KCNMA1: variants seen among roughly 807,000 people sequenced by gnomAD.
KCNMA1 encodes potassium calcium-activated channel subfamily M alpha 1.
In KCNMA1, 29 loss-of-function variants were observed where a neutral mutation model predicts 140.0. The ratio of observed to expected loss-of-function variants is 0.21; its 90% CI spans 0.15 to 0.28. The LOEUF (loss-of-function observed/expected upper bound fraction) is 0.28, where lower values mean the gene tolerates loss of function less well. Ranked by LOEUF, KCNMA1 falls within the 10% of genes least tolerant of loss-of-function variation. The pLI is 1.00. For missense variants in KCNMA1, 880 were observed against 1,602.2 expected, an observed-to-expected ratio of 0.55 and a Z score of 7.70; for synonymous variants, 612 against 611.9, an observed-to-expected ratio of 1.00 and a Z score of 0.00.
intron 1 of KCNMA1, among the ~76,000 whole-genome samples, chr10:77,453,894 C>T (rs756499710): frequency 6.6e-6 from 1 of 152,110 alleles, no homozygotes; most frequent in African/African-American, 2.4e-5. Context: ...TTCCCACCAG[C>T]CAGAGTGGAA....
intron 1 of KCNMA1, among the ~76,000 whole-genome samples, chr10:77,602,382 T>C (rs2082935554): frequency 6.6e-6 from 1 of 152,102 alleles, no homozygotes; most frequent in Non-Finnish European, 1.5e-5. Flanking sequence ...AGCAGTTCAG[T>C]AGCGTCTGAG....
intron 1 of KCNMA1, among the ~76,000 whole-genome samples, chr10:77,442,354 C>T (rs2097424743): frequency 6.6e-6 from 1 of 151,976 alleles, no homozygotes; most frequent in African/African-American, 2.4e-5. Flanking sequence ...CACCTAGACC[C>T]CCGCCACCTC....
At chr10:77,431,466 G>C (rs2097149515) in intron 1 of KCNMA1, among the ~76,000 whole-genome samples, 1 of 152,098 alleles carries the variant, frequency 6.6e-6, no homozygotes, top group African/African-American at 2.4e-5. Context: ...ATTCTAAGCA[G>C]AGTGTATGGA....
chr10:77,146,426 C>A (rs1327379127), intron 5 of KCNMA1, among the ~76,000 whole-genome samples: 1 of 152,016 alleles, frequency 6.6e-6, no homozygotes, highest in African/African-American at 2.4e-5. Context: ...AGAAGCTGGG[C>A]GCGGTGGCTC....
At chr10:77,488,584 C>T (rs912952526) in intron 1 of KCNMA1, among the ~76,000 whole-genome samples, 6 of 152,190 alleles carry the variant, frequency 3.9e-5, no homozygotes, top group Non-Finnish European at 7.3e-5. Context: ...GAGCTGCCGG[C>T]TCAGCAGCAG....
chr10:77,194,282 T>A (rs552722116), intron 3 of KCNMA1, among the ~76,000 whole-genome samples: 28 of 152,314 alleles, frequency 1.8e-4, no homozygotes, highest in South Asian at 6.2e-4. Flanking sequence ...TCCCATAGCA[T>A]AACAGACTGT....
intron 1 of KCNMA1, among the ~76,000 whole-genome samples, chr10:77,426,737 C>T (rs1434343157): frequency 1.3e-5 from 2 of 152,182 alleles, no homozygotes; most frequent in Non-Finnish European, 2.9e-5. Flanking sequence ...GACCCACTTG[C>T]CAGGACTTGC....
intron 1 of KCNMA1, among the ~76,000 whole-genome samples, chr10:77,435,168 G>T (rs1207017570): frequency 2.6e-5 from 4 of 151,780 alleles, no homozygotes; most frequent in Non-Finnish European, 2.9e-5. Flanking sequence ...AAACTCCTAG[G>T]CTCAAGCGAT....
chr10:76,954,768 G>A (rs192794075), intron 20 of KCNMA1, among the ~76,000 whole-genome samples: 4 of 152,092 alleles, frequency 2.6e-5, no homozygotes, highest in Admixed American at 6.6e-5. Flanking sequence ...GGCAACATTC[G>A]CCCTCTATTG....
chr10:77,407,280 A>G (rs2096499430), intron 1 of KCNMA1, among the ~76,000 whole-genome samples: 1 of 152,138 alleles, frequency 6.6e-6, no homozygotes, highest in Non-Finnish European at 1.5e-5. Context: ...CTGGAGGAAG[A>G]GGCCCCTCTC....
intron 3 of KCNMA1, among the ~76,000 whole-genome samples, chr10:77,232,104 G>A (rs1426043698): frequency 6.6e-6 from 1 of 152,224 alleles, no homozygotes; most frequent in East Asian, 1.9e-4. Flanking sequence ...GTTGTGGCAT[G>A]TTTCAGTTCT....
At chr10:77,301,563 G>A (rs914691206) in intron 2 of KCNMA1, among the ~76,000 whole-genome samples, 20 of 151,778 alleles carry the variant, frequency 1.3e-4, no homozygotes, top group Non-Finnish European at 4.4e-5. Context: ...CTTTATGGCA[G>A]ACCTTGTTTC....
intron 3 of KCNMA1, among the ~76,000 whole-genome samples, chr10:77,207,930 G>A (rs80103336): frequency 6.6e-6 from 1 of 152,318 alleles, no homozygotes; most frequent in Non-Finnish European, 1.5e-5. Context: ...CAGGAATGAT[G>A]GCTCTGGGCT....
intron 2 of KCNMA1, among the ~76,000 whole-genome samples, chr10:77,353,970 T>TGGGGGGGG (rs563299513): frequency 3.2e-5 from 3 of 92,936 alleles, no homozygotes; most frequent in African/African-American, 5.2e-5. Context: ...CCTCTTTTTT[T>TGGGGGGGG]GGGGGGGGGG....
intron 5 of KCNMA1, among the ~76,000 whole-genome samples, chr10:77,124,780 G>C (rs1457931828): frequency 1.3e-5 from 2 of 152,166 alleles, no homozygotes; most frequent in Non-Finnish European, 2.9e-5. Context: ...TGGAGAAATG[G>C]TTGGTCTTTC....
intron 16 of KCNMA1, among the ~76,000 whole-genome samples, chr10:77,021,440 T>TA (rs1467984042): frequency 1.3e-5 from 2 of 152,190 alleles, no homozygotes; most frequent in Middle Eastern, 3.4e-3. Flanking sequence ...AACTGAGAGG[T>TA]AAAAAAATCC....
intron 5 of KCNMA1, among the ~76,000 whole-genome samples, chr10:77,164,522 C>CTTT (rs113418170): frequency 2.7e-5 from 4 of 147,046 alleles, no homozygotes; most frequent in Middle Eastern, 3.6e-3. Flanking sequence ...ATTGATCTTT[C>CTTT]TTTTTTTTTT....
chr10:77,491,622 T>C (rs563548220), intron 1 of KCNMA1, among the ~76,000 whole-genome samples: 2 of 152,088 alleles, frequency 1.3e-5, no homozygotes, highest in South Asian at 2.1e-4. Flanking sequence ...GTGAACACTG[T>C]TCTGGGACAC....
intron 3 of KCNMA1, among the ~76,000 whole-genome samples, chr10:77,206,513 C>T (rs968857983): frequency 3.3e-5 from 5 of 152,098 alleles, no homozygotes; most frequent in Admixed American, 6.6e-5. Context: ...CTTGGTTTTT[C>T]GTCTAACTGG....
Sources: allele counts gnomAD v4.1 joint callset (sites outside exome capture counted in the v4.1 genomes callset), GRCh38; gene constraint gnomAD v4.1.1; transcripts MANE v1.5; gene names NCBI Gene and HGNC (gene_info 2026-07-23, HGNC 2026-07-21).